Variants in ANKRD12 observed in about 807,000 individuals in gnomAD.
The protein encoded by ANKRD12 is ankyrin repeat domain 12, also known as ankyrin repeat domain-containing protein 12.
Under a neutral mutation model 183.4 loss-of-function variants are expected in ANKRD12, and 85 were observed. That is an observed-to-expected ratio of 0.46 (90% CI 0.39 to 0.56). The LOEUF (loss-of-function observed/expected upper bound fraction) is 0.56, where lower values mean the gene tolerates loss of function less well. Among genes scored for constraint, ANKRD12 ranks in the 20% least tolerant of loss-of-function variants. ANKRD12 has a pLI of 0.00. For synonymous variants in ANKRD12, 914 were observed against 800.2 expected, an observed-to-expected ratio of 1.14 and a Z score of -2.40; for missense variants, 2,405 against 2,357.1, an observed-to-expected ratio of 1.02 and a Z score of -0.42.
chr18:9,271,597 A>G lies in ANKRD12; in HGVS notation c.5764-3927A>G, dbSNP rs376488852. 3.2e-4 allele frequency among the ~76,000 whole-genome samples: 48 copies of G among 152,286 alleles called. No homozygotes were observed. In the South Asian group the frequency reaches 5.6e-3, roughly 18 times the overall value. On this transcript the variant is annotated intron_variant, in intron 10 of 12. Coordinates refer to ENST00000262126, the MANE Select transcript of ANKRD12 (RefSeq NM_015208.5). ...GGTCTCAAATTCCTGGGCTCAAGCA[A>G]TCCTCCTGCCTTAGCCTCCCAAAGT...
At chr18:9,137,328 C>T (rs2143185557) in intron 1 of ANKRD12, among the ~76,000 whole-genome samples, 1 of 146,630 alleles carries the variant, frequency 6.8e-6, no homozygotes, top group Admixed American at 6.8e-5. Context: ...GGCGGAGGGC[C>T]GCGAGCTGGC....
Position 9,263,748 on chromosome 18 carries a change from A to G in ANKRD12, c.5665-42A>G, listed in dbSNP as rs1214936815. 2.9e-6 allele frequency: 4 copies of G among 1,389,892 alleles called. No homozygotes were observed. In the African/African-American group the frequency reaches 4.5e-5, roughly 16 times the overall value. 86.1% of individuals were successfully genotyped at this position (1,389,892 alleles called of 1,614,324 possible). On this transcript the variant is annotated intron_variant, in intron 9 of 12. Transcript: ENST00000262126. ...TTAAAAGAATAGCCCATTATTGTAA[A>G]TAAAACCTAATATTTTAAACTATAT... is the stretch of plus-strand genomic sequence containing the variant.
chr18:9,196,151 ATTGAGGCTAACTGCCTCAGTGCTTTT>A (rs2034793930), intron 3 of ANKRD12, among the ~76,000 whole-genome samples: 1 of 121,440 alleles, frequency 8.2e-6, no homozygotes. Context: ...ACACACACAC[ATTGAGGCTAACTGCCTCAGTGCTTTT>A]CATAGAATTT....
intron 8 of ANKRD12, among the ~76,000 whole-genome samples, chr18:9,233,042 G>A (rs1175791380): frequency 6.6e-6 from 1 of 151,260 alleles, no homozygotes; most frequent in Admixed American, 6.6e-5. Context: ...AAAGAGACAG[G>A]GGTTTCACCA....
intron 1 of ANKRD12, among the ~76,000 whole-genome samples, chr18:9,177,417 A>T (rs937652558): frequency 5.0e-5 from 3 of 60,432 alleles, no homozygotes; most frequent in African/African-American, 1.5e-4. Flanking sequence ...GTGACATCTC[A>T]TTTTTTTATT....
At position 9,182,465 on chromosome 18, in the gene ANKRD12, G is replaced by A. The variant is rs1208086408; in HGVS notation, c.33G>A (p.Gln11=). 1.2e-6 allele frequency: 2 copies of A among 1,611,780 alleles called. No homozygotes were observed. Among genetic ancestry groups the A allele is most frequent in the Non-Finnish European group, 1.7e-6 (2 of 1,178,822 alleles). ...AATCTGGGTTCACAAAACCAATTCA[G>A]AGTGAAAATTCTGACAGTGACAGCA... is the stretch of plus-strand genomic sequence containing the variant. The part of the protein sequence containing the change: MPKSGFTKPI[Q]SENSDSDSNM... The change falls in exon 2 of 13, where the codon CAG becomes CAA. Residue 11 remains glutamine (Q), a synonymous_variant. Coordinates refer to ENST00000262126, the MANE Select transcript of ANKRD12 (RefSeq NM_015208.5).
intron 2 of ANKRD12, among the ~76,000 whole-genome samples, chr18:9,186,438 A>G (rs1567892174): frequency 1.3e-5 from 2 of 152,196 alleles, no homozygotes; most frequent in South Asian, 2.1e-4. Flanking sequence ...ATGTTTTTCA[A>G]GATCAGTAGT....
chr18:9,180,301 A>G (rs1404356872), intron 1 of ANKRD12, among the ~76,000 whole-genome samples: 2 of 152,166 alleles, frequency 1.3e-5, no homozygotes, highest in Non-Finnish European at 2.9e-5. Flanking sequence ...TGGAAACTCA[A>G]GTACTTCCAT....
intron 1 of ANKRD12, among the ~76,000 whole-genome samples, chr18:9,181,472 G>A (rs890872632): frequency 6.6e-6 from 1 of 152,118 alleles, no homozygotes; most frequent in Non-Finnish European, 1.5e-5. Context: ...TAATCTTGTC[G>A]GTCATTCTGC....
In ANKRD12 at chr18:9,202,287, C is replaced by T. The variant is rs137973349; in HGVS notation, c.236-2189C>T. ...TTCTATTTTCCTAAGACTTTAGATGCCATTTAAGGGTTTACCATATTATAA... is the reference window on the plus strand; with the variant it reads ...TTCTATTTTCCTAAGACTTTAGATGTCATTTAAGGGTTTACCATATTATAA... On this transcript the variant is annotated intron_variant, in intron 3 of 12. Coordinates refer to ENST00000262126, the MANE Select transcript of ANKRD12 (RefSeq NM_015208.5). Among the ~76,000 whole-genome samples, 946 of 152,146 alleles carry T rather than the reference C, an allele frequency of 6.2e-3. 10 individuals are homozygous for T. The highest frequency in any genetic ancestry group is 0.021 in the African/African-American group (887 of 41,498).
chr18:9,191,201 A>G (rs1567897520), intron 2 of ANKRD12, among the ~76,000 whole-genome samples: 1 of 152,366 alleles, frequency 6.6e-6, no homozygotes, highest in East Asian at 1.9e-4. Flanking sequence ...TTTTAAGATA[A>G]TAAACCTAAC....
At chr18:9,151,797 G>C (rs898405792) in intron 1 of ANKRD12, among the ~76,000 whole-genome samples, 1 of 152,204 alleles carries the variant, frequency 6.6e-6, no homozygotes, top group Non-Finnish European at 1.5e-5. Context: ...TCTCTAGATA[G>C]AATACAAAGT....
chr18:9,207,258 AT>A (rs1349312674), intron 4 of ANKRD12, among the ~76,000 whole-genome samples: 2 of 152,130 alleles, frequency 1.3e-5, no homozygotes, highest in Non-Finnish European at 2.9e-5. Context: ...CTAAGATTGG[AT>A]TTATGCTAAA....
In ANKRD12 at chr18:9,258,135, C is replaced by A. The variant is rs1316249139; in HGVS notation, c.4868C>A (p.Thr1623Lys). 6.2e-7 allele frequency: 1 copy of A among 1,613,640 alleles called. No individual in the cohort carries two copies. Among genetic ancestry groups the A allele is most frequent in the South Asian group, 1.1e-5 (1 of 91,078 alleles). Reference sequence around the variant, plus strand: ...AGTGGCCATGAAGTTGAGAATAGCACAACTGATACTCAGGTCATTTCACAT... The same window carrying A: ...AGTGGCCATGAAGTTGAGAATAGCAAAACTGATACTCAGGTCATTTCACAT... ...SSSGHEVENS[T>K]TDTQVISHEK... The change falls in exon 9 of 13, where the codon ACA becomes AAA. Residue 1623 changes from threonine (T) to lysine (K), a missense_variant. Transcript: ENST00000262126.
rs1567912637 is a variant in ANKRD12, at chr18:9,204,525, T to G, written c.285T>G (p.Ser95=). The G allele has an allele frequency of 2.5e-6, 4 of 1,598,980 alleles. No individual in the cohort carries two copies. The East Asian group carries it at 9.0e-5, about 36-fold the overall frequency. The change falls in exon 4 of 13, where the codon TCT becomes TCG. Residue 95 remains serine, a synonymous_variant. Transcript: ENST00000262126. ...TSENWGERLI[S]SYRTYSEKEG... is the part of the protein sequence containing the mutation. ...AAAATTGGGGGGAGAGACTTATATC[T>G]TCTTACAGGACATACTCAGGTAATT...
intron 1 of ANKRD12, chr18:9,137,174 G>A (rs1187358999): frequency 2.0e-5 from 3 of 151,166 alleles, no homozygotes; most frequent in Non-Finnish European, 3.0e-5. Flanking sequence ...TAGCTCGCCT[G>A]ACAGTGACAG....
At chr18:9,253,465 T>TA (rs1182225132) in intron 8 of ANKRD12, among the ~76,000 whole-genome samples, 1 of 152,318 alleles carries the variant, frequency 6.6e-6, no homozygotes, top group South Asian at 2.1e-4. Flanking sequence ...TTATTTCACT[T>TA]AAAGTACTGT....
rs565375334 is a variant in ANKRD12, at chr18:9,217,051, A to G, written c.795+151A>G. On this transcript the variant is annotated intron_variant, in intron 7 of 12. Coordinates refer to ENST00000262126, the MANE Select transcript of ANKRD12 (RefSeq NM_015208.5). ...CTATATTTTGTTTTCCCTTTTTTCT[A>G]CTAAGTATTAGTTCATAGTCAGATT... 2.3e-3 allele frequency: 1,628 copies of G among 722,826 alleles called. 7 individuals carry two copies. The Middle Eastern group carries it at 0.025, about 11-fold the overall frequency. The allele number at this position is 722,826 out of a possible 1,614,324, so 44.8% of individuals were successfully genotyped here. A position where few individuals can be genotyped will look rare whatever the true frequency, so the allele number is the denominator to read the frequency against.
At chr18:9,153,009 T>A (rs760150981) in intron 1 of ANKRD12, among the ~76,000 whole-genome samples, 4 of 152,168 alleles carry the variant, frequency 2.6e-5, no homozygotes, top group Admixed American at 6.5e-5. Flanking sequence ...TTTTAAAAAA[T>A]TTTTCTGTAG....
Sources: gnomAD v4.1 joint callset for allele counts (sites outside exome capture counted in the v4.1 genomes callset) on GRCh38, gnomAD v4.1.1 for gene constraint, MANE v1.5 for transcripts, NCBI Gene and HGNC (gene_info 2026-07-23, HGNC 2026-07-21) for gene names.